The following GRK5 variants were observed in gnomAD, a reference collection of about 807,000 sequenced individuals.
GRK5 encodes the protein g protein-coupled receptor kinase GRK5.
A neutral mutation model predicts 78.4 loss-of-function variants in GRK5; 40 were observed. The observed-to-expected ratio is 0.51, with a 90% CI of 0.40 to 0.66. The LOEUF is 0.66. GRK5 is among the 30% of genes least tolerant of loss of function. GRK5 has a pLI of 0.00. For synonymous variants in GRK5, 289 were observed against 296.8 expected (o/e 0.97, Z 0.27); for missense variants, 598 against 759.9 (o/e 0.79, Z 2.50).
At chr10:119,306,793 C>T (rs531667062) in intron 1 of GRK5, among the ~76,000 whole-genome samples, 4 of 152,092 alleles carry the variant, frequency 2.6e-5, no homozygotes, top group Non-Finnish European at 5.9e-5. Context: ...CCCTCTTCTC[C>T]CTCCAGGTGA....
At chr10:119,229,220 T>C (rs945551914) in intron 1 of GRK5, among the ~76,000 whole-genome samples, 1 of 152,106 alleles carries the variant, frequency 6.6e-6, no homozygotes, top group African/African-American at 2.4e-5. Flanking sequence ...CTGTGCTGGG[T>C]TGGGGTTTAT....
rs188270472 is a variant in GRK5, at chr10:119,278,927, G to A, written c.53-47589G>A. 6.2e-3 allele frequency among the ~76,000 whole-genome samples: 949 copies of A among 152,310 alleles called. 8 individuals carry two copies. The highest frequency in any genetic ancestry group is 9.7e-3 in the Non-Finnish European group (660 of 68,022). ...GAGTCTCGCTCTGTTGCCCAGGCTG[G>A]AGTGCAGTGGTGCAGTCTTGGCTCA... On this transcript the variant is annotated intron_variant, in intron 1 of 15. Transcript: ENST00000392870.
intron 1 of GRK5, among the ~76,000 whole-genome samples, chr10:119,323,064 A>G (rs1850613027): frequency 6.6e-6 from 1 of 152,260 alleles, no homozygotes; most frequent in African/African-American, 2.4e-5. Flanking sequence ...AAGAACATGT[A>G]TGATTCCCTT....
intron 2 of GRK5, among the ~76,000 whole-genome samples, chr10:119,360,065 T>G (rs1276950625): frequency 4.1e-4 from 17 of 41,306 alleles, no homozygotes; most frequent in Admixed American, 1.1e-3. Flanking sequence ...CTGAGGGAGG[T>G]GGAGGGAGGT....
At chr10:119,328,643 C>T (rs537041338) in intron 2 of GRK5, among the ~76,000 whole-genome samples, 435 of 152,360 alleles carry the variant, frequency 2.9e-3, no homozygotes, top group Non-Finnish European at 5.3e-3. Context: ...ACGTCTTGCA[C>T]TCATCCACAG....
At chr10:119,297,008 C>A (rs1317143549) in intron 1 of GRK5, among the ~76,000 whole-genome samples, 5 of 152,226 alleles carry the variant, frequency 3.3e-5, no homozygotes, top group Non-Finnish European at 7.3e-5. Context: ...TCCCCTCACA[C>A]CAAGATAGGA....
Position 119,456,397 on chromosome 10 carries a change from G to C in GRK5, c.*1330G>C, listed in dbSNP as rs1853403471. On this transcript the variant is annotated 3_prime_UTR_variant, in exon 16 of 16. Coordinates refer to ENST00000392870, the MANE Select transcript of GRK5 (RefSeq NM_005308.3). This position sits in a 1 kb window ranked among gnomAD's most constrained non-coding sequence, Gnocchi z 5.5. ...AGGACTTGGTGGCTTTGCCAGCCCA[G>C]GGGCCTCTGAAGGCAGCCCCCAGAC... 6.6e-6 allele frequency: 1 copy of C among 152,234 alleles called. No individual in the cohort carries two copies. The highest frequency in any genetic ancestry group is 6.5e-5 in the Admixed American group (1 of 15,278). 9.4% of individuals were successfully genotyped at this position (152,234 alleles called of 1,614,324 possible).
At chr10:119,417,992 A>G (rs1453534220) in intron 4 of GRK5, among the ~76,000 whole-genome samples, 1 of 152,216 alleles carries the variant, frequency 6.6e-6, no homozygotes, top group Non-Finnish European at 1.5e-5. Flanking sequence ...GGCATAGAGC[A>G]GAGAGCGAGT....
chr10:119,359,946 G>A (rs1211922372), intron 2 of GRK5, among the ~76,000 whole-genome samples: 3 of 152,014 alleles, frequency 2.0e-5, no homozygotes, highest in African/African-American at 7.3e-5. Context: ...GGAGATTGAG[G>A]AGGCTGAGGG....
intron 1 of GRK5, among the ~76,000 whole-genome samples, chr10:119,252,050 G>A (rs987048048): frequency 1.3e-5 from 2 of 152,200 alleles, no homozygotes; most frequent in Admixed American, 1.3e-4. Context: ...TCTGGCTCAG[G>A]TGACTGAAGT....
At chr10:119,312,471 C>T (rs1285252330) in intron 1 of GRK5, among the ~76,000 whole-genome samples, 9 of 152,180 alleles carry the variant, frequency 5.9e-5, no homozygotes, top group African/African-American at 2.2e-4. Context: ...CCGGCCACTG[C>T]CTGTTTTTGT....
At chr10:119,247,292 G>C (rs115731156) in intron 1 of GRK5, among the ~76,000 whole-genome samples, 2 of 152,206 alleles carry the variant, frequency 1.3e-5, no homozygotes, top group Non-Finnish European at 2.9e-5. Context: ...AAATGTGACT[G>C]TGAGAAGCAT....
chr10:119,230,253 A>G (rs896624243), intron 1 of GRK5, among the ~76,000 whole-genome samples: 1 of 152,186 alleles, frequency 6.6e-6, no homozygotes, highest in Non-Finnish European at 1.5e-5. Flanking sequence ...TGGGAGGCCA[A>G]AGTGGGAGGA....
At position 119,423,140 on chromosome 10, in the gene GRK5, C is replaced by T. The variant is rs368705828; in HGVS notation, c.340-26C>T. On this transcript the variant is annotated intron_variant, in intron 4 of 15. Transcript: ENST00000392870. ...GCACTGCTGCTGGCTCCTCACTGAC[C>T]ACCTCCCTTCCCTTCCTTCTTCCAG... is the stretch of plus-strand genomic sequence containing the variant. 10 of 1,525,352 alleles carry T rather than the reference C, an allele frequency of 6.6e-6. No homozygotes were observed. In the African/African-American group the frequency reaches 1.4e-4, roughly 21 times the overall value. The allele number at this position is 1,525,352 out of a possible 1,614,324, so 94.5% of individuals were successfully genotyped here.
intron 1 of GRK5, among the ~76,000 whole-genome samples, chr10:119,279,680 AACGCTGCAGGGCAAGAAGAGCC>A (rs1173304098): frequency 1.3e-4 from 20 of 152,348 alleles, no homozygotes; most frequent in South Asian, 2.1e-4. Flanking sequence ...GGCCAGCTCC[AACGCTGCAGGGCAAGAAGAGCC>A]ACGCTGCAGG....
At chr10:119,328,160 G>A (rs777379952) in intron 2 of GRK5, among the ~76,000 whole-genome samples, 1 of 152,222 alleles carries the variant, frequency 6.6e-6, no homozygotes, top group Non-Finnish European at 1.5e-5. Context: ...GCTTTCCGGA[G>A]TTCCCACAGA....
intron 12 of GRK5, among the ~76,000 whole-genome samples, chr10:119,447,289 G>A (rs945272256): frequency 6.6e-6 from 1 of 152,012 alleles, no homozygotes; most frequent in African/African-American, 2.4e-5. Context: ...ACCATCCCTG[G>A]CTCCTTCTAC....
intron 1 of GRK5, among the ~76,000 whole-genome samples, chr10:119,321,315 A>G (rs981752839): frequency 6.6e-6 from 1 of 152,202 alleles, no homozygotes; most frequent in Admixed American, 6.5e-5. Context: ...AGATTGCCAC[A>G]AGCTAAGTGG....
chr10:119,299,427 C>T (rs1378702876), intron 1 of GRK5, among the ~76,000 whole-genome samples: 1 of 133,476 alleles, frequency 7.5e-6, no homozygotes, highest in Non-Finnish European at 1.6e-5. Context: ...AGCAAGACTC[C>T]AGCTCAAAAA....
Sources: gnomAD v4.1 joint callset for allele counts (sites outside exome capture counted in the v4.1 genomes callset) on GRCh38, gnomAD v4.1.1 for gene constraint, Gnocchi (gnomAD v3.1) non-coding constraint, MANE v1.5 for transcripts, NCBI Gene and HGNC (gene_info 2026-07-23, HGNC 2026-07-21) for gene names.